Variants in GAN observed in about 807,000 individuals in gnomAD.
GAN encodes epididymis secretory sperm binding protein.
GAN carries 48 observed loss-of-function variants against 71.3 expected under a neutral mutation model. The observed-to-expected ratio is 0.67, with a 90% CI of 0.53 to 0.86. The LOEUF is 0.86. Among genes scored for constraint, GAN ranks in the 40% least tolerant of loss-of-function variants. The probability of loss-of-function intolerance (pLI) is 0.00; values close to 1 mark genes in which losing one functional copy is unlikely to be tolerated. For synonymous variants in GAN, 386 were observed against 276.8 expected (o/e 1.39, Z -3.92); for missense variants, 928 against 770.1 (o/e 1.21, Z -2.43).
chr16:81,349,698 C>G (rs997478550), intron 1 of GAN, among the ~76,000 whole-genome samples: 4 of 152,124 alleles, frequency 2.6e-5, no homozygotes, highest in Non-Finnish European at 5.9e-5. Context: ...TGTTTGTATT[C>G]AGTCTACCAA....
chr16:81,323,476 C>T (rs989075907), intron 1 of GAN, among the ~76,000 whole-genome samples: 7 of 152,092 alleles, frequency 4.6e-5, no homozygotes, highest in African/African-American at 1.7e-4. Context: ...TTGGGACATC[C>T]TTAAGAAATG....
At chr16:81,353,121 C>G (rs1208934783) in intron 2 of GAN, among the ~76,000 whole-genome samples, 2 of 152,130 alleles carry the variant, frequency 1.3e-5, no homozygotes, top group East Asian at 1.9e-4. Context: ...GAAACCCCGT[C>G]TCTACTAAAA....
chr16:81,377,480 C>G lies in GAN; in HGVS notation c.1678C>G (p.Leu560Val), dbSNP rs143179676. Residue 560 changes from leucine to valine, a missense_variant, in exon 11 of 11, where the codon CTC becomes GTC. Physicochemically the swap from Leu to Val is conservative, Grantham distance 32. Transcript: ENST00000648994. ...AGGAACCTGGCACCACACTAAACCACTCCTTCCATCCGACCTTCGCCGTAC... is the reference window on the plus strand; with the variant it reads ...AGGAACCTGGCACCACACTAAACCAGTCCTTCCATCCGACCTTCGCCGTAC... Reference protein sequence around the residue: ...STGTWHHTKPLLPSDLRRTGC... With the variant: ...STGTWHHTKPVLPSDLRRTGC... The G allele has an allele frequency of 6.2e-7, 1 of 1,613,966 alleles. No individual in the cohort carries two copies. Among genetic ancestry groups the G allele is most frequent in the Non-Finnish European group, 8.5e-7 (1 of 1,179,934 alleles).
intron 6 of GAN, 71 bp downstream of exon 6, chr16:81,362,682 C>A: frequency 1.1e-6 from 1 of 889,966 alleles, no homozygotes; most frequent in South Asian, 1.3e-5. Context: ...TGTTTTGTGT[C>A]TGAGTTCAGG....
intron 6 of GAN, 133 bp from the exon 7 acceptor site, chr16:81,363,661 T>C: frequency 1.2e-6 from 1 of 847,308 alleles, no homozygotes; most frequent in South Asian, 1.4e-5. Flanking sequence ...TCTCCCTGTC[T>C]CCTTGCTCTA....
At chr16:81,335,563 G>A (rs1342558404) in intron 1 of GAN, among the ~76,000 whole-genome samples, 1 of 151,922 alleles carries the variant, frequency 6.6e-6, no homozygotes, top group Non-Finnish European at 1.5e-5. Context: ...CCTGGCCAAT[G>A]TGGTGAAACC....
intron 1 of GAN, among the ~76,000 whole-genome samples, chr16:81,350,683 C>T (rs1251731196): frequency 6.6e-6 from 1 of 151,890 alleles, no homozygotes; most frequent in Non-Finnish European, 1.5e-5. Context: ...CACTCCCAGT[C>T]GATGTTTGCA....
chr16:81,384,879 G>C lies in GAN; in HGVS notation c.*7283G>C, dbSNP rs1291554008. On this transcript the variant is annotated 3_prime_UTR_variant, in exon 11 of 11. Coordinates refer to ENST00000648994, the MANE Select transcript of GAN (RefSeq NM_022041.4). ...AAGTCAGGAGGAAGAAGATGAGGAG[G>C]CTCACCAGTTGTAGGCAAGACTCTT... 6.5e-6 allele frequency: 1 copy of C among 153,558 alleles called. No individual in the cohort carries two copies. The highest frequency in any genetic ancestry group is 2.4e-5 in the African/African-American group (1 of 41,476). The allele number at this position is 153,558 out of a possible 1,614,324, so 9.5% of individuals were successfully genotyped here. A position where few individuals can be genotyped will look rare whatever the true frequency, so the allele number is the denominator to read the frequency against.
At chr16:81,330,253 G>T (rs148714359) in intron 1 of GAN, among the ~76,000 whole-genome samples, 1 of 150,948 alleles carries the variant, frequency 6.6e-6, no homozygotes, top group African/African-American at 2.4e-5. Flanking sequence ...GAATGTAATC[G>T]GATAATGTTT....
chr16:81,333,401 T>G (rs1181769594), intron 1 of GAN, among the ~76,000 whole-genome samples: 1 of 152,134 alleles, frequency 6.6e-6, no homozygotes, highest in Non-Finnish European at 1.5e-5. Context: ...TATAACCCGG[T>G]CCATCCTTCT....
chr16:81,344,043 T>C (rs1045654173), intron 1 of GAN, among the ~76,000 whole-genome samples: 2 of 152,112 alleles, frequency 1.3e-5, no homozygotes, highest in African/African-American at 4.8e-5. Flanking sequence ...TACATAGGAA[T>C]ACAACTTACA....
intron 9 of GAN, among the ~76,000 whole-genome samples, chr16:81,366,731 GC>G (rs1356868017): frequency 1.3e-5 from 2 of 152,150 alleles, no homozygotes; most frequent in African/African-American, 4.8e-5. Context: ...GAGAATACTT[GC>G]TGTGGTAGGG....
In GAN at chr16:81,381,286, T is replaced by C. The variant is rs938542287; in HGVS notation, c.*3690T>C. On this transcript the variant is annotated 3_prime_UTR_variant, in exon 11 of 11. Transcript: ENST00000648994. ...GGGATTCCAAAAACCTTCCAAGGAGTGCTAGAAACACCGCAGTATCCCCTT... is the reference window on the plus strand; with the variant it reads ...GGGATTCCAAAAACCTTCCAAGGAGCGCTAGAAACACCGCAGTATCCCCTT... The C allele has an allele frequency of 1.3e-5, 2 of 152,044 alleles. No individual in the cohort carries two copies. Among genetic ancestry groups the C allele is most frequent in the East Asian group, 3.9e-4 (2 of 5,192 alleles). The allele number at this position is 152,044 out of a possible 1,614,324, so 9.4% of individuals were successfully genotyped here.
chr16:81,366,493 C>T (rs1022740316), intron 9 of GAN, among the ~76,000 whole-genome samples: 6 of 152,144 alleles, frequency 3.9e-5, no homozygotes, highest in Admixed American at 1.3e-4. Flanking sequence ...CTGTGCTAAA[C>T]GTAATTTTAT....
chr16:81,323,135 C>G (rs1182548614), intron 1 of GAN, among the ~76,000 whole-genome samples: 5 of 152,180 alleles, frequency 3.3e-5, no homozygotes, highest in Non-Finnish European at 5.9e-5. Context: ...CCCACAACTT[C>G]TAGCTTCTCT....
chr16:81,349,191 C>A (rs368329326), intron 1 of GAN, among the ~76,000 whole-genome samples: 4 of 152,070 alleles, frequency 2.6e-5, no homozygotes, highest in African/African-American at 9.7e-5. Context: ...CACCCCCTGC[C>A]CCACCCCGAC....
chr16:81,366,254 T>C (rs2150692472), intron 9 of GAN, among the ~76,000 whole-genome samples: 1 of 152,328 alleles, frequency 6.6e-6, no homozygotes, highest in East Asian at 1.9e-4. Context: ...CTCTGTATCC[T>C]GGCTTCCAGC....
chr16:81,320,549 T>C lies in GAN; in HGVS notation c.167+5269T>C, dbSNP rs553313963. On this transcript the variant is annotated intron_variant, in intron 1 of 10. Coordinates refer to ENST00000648994, the MANE Select transcript of GAN (RefSeq NM_022041.4). ...ATGTTTTGCTTTCTTTACAATATTT[T>C]CATAATCTTTTCTTCACTTGTGTTT... is the stretch of plus-strand genomic sequence containing the variant. Among the ~76,000 whole-genome samples, 4 of 152,384 alleles carry C rather than the reference T, an allele frequency of 2.6e-5. No individual in the cohort carries two copies. In the South Asian group the frequency reaches 8.3e-4, roughly 32 times the overall value.
chr16:81,338,332 C>T (rs1213679303), intron 1 of GAN, among the ~76,000 whole-genome samples: 1 of 152,076 alleles, frequency 6.6e-6, no homozygotes, highest in East Asian at 1.9e-4. Context: ...GATCCTGTAG[C>T]CTCCTGAGGT....
Sources: allele counts gnomAD v4.1 joint callset (sites outside exome capture counted in the v4.1 genomes callset), GRCh38; gene constraint gnomAD v4.1.1; transcripts MANE v1.5; gene names NCBI Gene and HGNC (gene_info 2026-07-23, HGNC 2026-07-21).